The following EPHA7 variants were observed in gnomAD, a reference collection of about 807,000 sequenced individuals.
The protein encoded by EPHA7 is EPH receptor A7, also known as ephrin type-A receptor 7.
A neutral mutation model predicts 112.6 loss-of-function variants in EPHA7; 25 were observed. The ratio of observed to expected loss-of-function variants is 0.22; its 90% CI spans 0.16 to 0.31. EPHA7 has a LOEUF of 0.31. EPHA7 is among the 10% of genes least tolerant of loss of function. EPHA7 has a pLI of 1.00. For synonymous variants in EPHA7, 437 were observed against 406.5 expected, an observed-to-expected ratio of 1.07 and a Z score of -0.90; for missense variants, 962 against 1,212.6, an observed-to-expected ratio of 0.79 and a Z score of 3.07.
chr6:93,394,889 T>C (rs1778090078), intron 3 of EPHA7, among the ~76,000 whole-genome samples: 2 of 151,878 alleles, frequency 1.3e-5, no homozygotes, highest in Admixed American at 1.3e-4. Flanking sequence ...ATACATTCTT[T>C]AAAATTATTT....
intron 7 of EPHA7, among the ~76,000 whole-genome samples, chr6:93,268,512 T>C (rs953116005): frequency 2.0e-5 from 3 of 151,816 alleles, no homozygotes; most frequent in Non-Finnish European, 4.4e-5. Context: ...TTTTCCAACT[T>C]AATTTTGATT....
chr6:93,387,033 C>A (rs562076083), intron 3 of EPHA7, among the ~76,000 whole-genome samples: 37 of 152,260 alleles, frequency 2.4e-4, no homozygotes, highest in African/African-American at 8.9e-4. Context: ...TCCCCATTAT[C>A]TTGGCAACTA....
chr6:93,333,153 G>T (rs912720429), intron 5 of EPHA7, among the ~76,000 whole-genome samples: 1 of 151,564 alleles, frequency 6.6e-6, no homozygotes, highest in Non-Finnish European at 1.5e-5. Flanking sequence ...TTCTTTTCCT[G>T]CATTAATTTG....
At chr6:93,349,972 T>C (rs779848381) in intron 5 of EPHA7, among the ~76,000 whole-genome samples, 1 of 151,878 alleles carries the variant, frequency 6.6e-6, no homozygotes, top group Non-Finnish European at 1.5e-5. Flanking sequence ...TAATGTTATA[T>C]CACATGACTC....
intron 3 of EPHA7, among the ~76,000 whole-genome samples, chr6:93,372,252 T>A (rs1776837344): frequency 6.6e-6 from 1 of 152,144 alleles, no homozygotes; most frequent in African/African-American, 2.4e-5. Context: ...CTTTATGCTT[T>A]CATTTCATTT....
At chr6:93,411,758 T>C (rs1362559880) in intron 2 of EPHA7, among the ~76,000 whole-genome samples, 1 of 152,162 alleles carries the variant, frequency 6.6e-6, no homozygotes, top group South Asian at 2.1e-4. Context: ...TCCAGTGTTA[T>C]ATATAATATC....
chr6:93,295,544 C>T (rs10944662), intron 5 of EPHA7, among the ~76,000 whole-genome samples: 38,654 of 151,042 alleles, frequency 0.26, 5,626 homozygotes, highest in East Asian at 0.48. Context: ...ATATATATGA[C>T]GTTTTCTTCC....
chr6:93,257,656 G>T, intron 11 of EPHA7, 133 bp from the exon 12 acceptor site: 1 of 612,312 alleles, frequency 1.6e-6, no homozygotes, highest in East Asian at 2.9e-5. Context: ...TTCTTTTATT[G>T]TTGCTGCTAA....
intron 3 of EPHA7, among the ~76,000 whole-genome samples, chr6:93,371,338 A>T (rs1776786853): frequency 6.6e-6 from 1 of 152,226 alleles, no homozygotes; most frequent in Non-Finnish European, 1.5e-5. Context: ...CTACATGCCT[A>T]GAATTTACAC....
At chr6:93,308,301 C>T (rs1215157415) in intron 5 of EPHA7, among the ~76,000 whole-genome samples, 3 of 152,088 alleles carry the variant, frequency 2.0e-5, no homozygotes, top group East Asian at 1.9e-4. Flanking sequence ...CTTTTCAACA[C>T]CTGCTCTGGC....
At position 93,410,562 on chromosome 6, in the gene EPHA7, T is replaced by C. The variant is rs776408028; in HGVS notation, c.771A>G (p.Leu257=). ...RMHCSAEGEW[L]VPIGKCICKA... ...TGCAGATACATTTTCCAATGGGCAC[T>C]AACCATTCTCCTTCTGCACTGCAGT... Residue 257 remains leucine, a synonymous_variant, in exon 3 of 17, where the codon TTA becomes TTG. Transcript: ENST00000369303. The surrounding 1 kb of genome is among the most constrained non-coding windows in gnomAD (Gnocchi z 4.0). 1 of 1,614,048 alleles carries C rather than the reference T, an allele frequency of 6.2e-7. No homozygotes were observed.
intron 1 of EPHA7, among the ~76,000 whole-genome samples, chr6:93,416,840 C>G (rs1367634772): frequency 1.3e-5 from 2 of 151,600 alleles, no homozygotes; most frequent in Admixed American, 6.6e-5. Context: ...AGGCAACGAC[C>G]GCGCGGGCAA....
chr6:93,383,344 T>C (rs1225282824), intron 3 of EPHA7, among the ~76,000 whole-genome samples: 1 of 151,584 alleles, frequency 6.6e-6, no homozygotes, highest in Non-Finnish European at 1.5e-5. Flanking sequence ...TGTGTGTGTA[T>C]AATTTAATGT....
chr6:93,296,570 C>T lies in EPHA7; in HGVS notation c.1325-24148G>A, dbSNP rs73530377. Among the ~76,000 whole-genome samples, 1,287 of 150,502 alleles carry T rather than the reference C, an allele frequency of 8.6e-3. 20 individuals carry two copies. Among genetic ancestry groups the T allele is most frequent in the African/African-American group, 0.029 (1,201 of 41,148 alleles). On this transcript the variant is annotated intron_variant, in intron 5 of 16. Transcript: ENST00000369303. The stretch of plus-strand genomic sequence containing the variant: ...ACATAGATGAACCTAGAGGATATTA[C>T]GCTAGGAGAAATAAGCCAGGTACAT...
intron 5 of EPHA7, among the ~76,000 whole-genome samples, chr6:93,299,024 C>G (rs1038760499): frequency 2.6e-5 from 4 of 152,014 alleles, no homozygotes; most frequent in Non-Finnish European, 5.9e-5. Context: ...ATATGGCCAA[C>G]AAGCTTATGA....
At chr6:93,389,711 T>C (rs1276331953) in intron 3 of EPHA7, among the ~76,000 whole-genome samples, 1 of 151,994 alleles carries the variant, frequency 6.6e-6, no homozygotes, top group Non-Finnish European at 1.5e-5. Flanking sequence ...AAATGAATAC[T>C]TAATTTCACC....
chr6:93,385,145 C>A (rs1777537748), intron 3 of EPHA7, among the ~76,000 whole-genome samples: 1 of 152,132 alleles, frequency 6.6e-6, no homozygotes, highest in Admixed American at 6.6e-5. Context: ...TATTAGAACT[C>A]ATGCTACCCA....
chr6:93,276,226 T>G (rs1338782231), intron 5 of EPHA7, among the ~76,000 whole-genome samples: 1 of 152,002 alleles, frequency 6.6e-6, no homozygotes, highest in Admixed American at 6.6e-5. Flanking sequence ...TACGAGCCCT[T>G]AAGAGCAAAC....
At chr6:93,283,762 G>A (rs956459233) in intron 5 of EPHA7, among the ~76,000 whole-genome samples, 6 of 152,080 alleles carry the variant, frequency 3.9e-5, no homozygotes, top group Admixed American at 1.3e-4. Flanking sequence ...GAGGGTCCGC[G>A]GCTTCATTCT....
Sources: allele counts gnomAD v4.1 joint callset (sites outside exome capture counted in the v4.1 genomes callset), GRCh38; gene constraint gnomAD v4.1.1; non-coding constraint Gnocchi (gnomAD v3.1); transcripts MANE v1.5; gene names NCBI Gene and HGNC (gene_info 2026-07-23, HGNC 2026-07-21).